Variants in CBFA2T2 observed in about 807,000 individuals in gnomAD.
CBFA2T2 encodes CBFA2/RUNX1 partner transcriptional co-repressor 2, also known as protein CBFA2T2.
In CBFA2T2, 11 loss-of-function variants were observed where a neutral mutation model predicts 62.2. The ratio of observed to expected loss-of-function variants is 0.18; its 90% CI spans 0.11 to 0.29. CBFA2T2 has a LOEUF of 0.29. CBFA2T2 is among the 10% of genes least tolerant of loss of function. CBFA2T2 has a pLI of 1.00. For missense variants in CBFA2T2, 592 were observed against 774.1 expected, an observed-to-expected ratio of 0.76 and a Z score of 2.79; for synonymous variants, 295 against 287.5, an observed-to-expected ratio of 1.03 and a Z score of -0.27.
At chr20:33,601,489 T>C (rs553801064) in intron 1 of CBFA2T2, among the ~76,000 whole-genome samples, 23 of 151,870 alleles carry the variant, frequency 1.5e-4, no homozygotes, top group African/African-American at 5.1e-4. Context: ...GATCTTGAAC[T>C]CCTGGCCTCA....
intron 9 of CBFA2T2, chr20:33,639,586 A>G (rs2016755121): frequency 1.3e-5 from 2 of 151,428 alleles, no homozygotes; most frequent in Non-Finnish European, 2.9e-5. Flanking sequence ...AAAAAAAAAA[A>G]GAAAATAAGT....
intron 1 of CBFA2T2, among the ~76,000 whole-genome samples, chr20:33,536,745 GGC>G (rs1469484374): frequency 6.6e-6 from 1 of 151,772 alleles, no homozygotes; most frequent in Non-Finnish European, 1.5e-5. Flanking sequence ...GCGGGGCAGA[GGC>G]GCTCCCCACA....
intron 5 of CBFA2T2, chr20:33,623,982 AAAAC>A (rs2016110314): frequency 1.7e-6 from 1 of 587,062 alleles, no homozygotes; most frequent in Non-Finnish European, 3.1e-6. Context: ...AAGAAAAGAA[AAAAC>A]AAAAAAAAAG....
intron 6 of CBFA2T2, among the ~76,000 whole-genome samples, 172 bp downstream of exon 6, chr20:33,625,189 A>G (rs1252792414): frequency 2.0e-5 from 3 of 152,012 alleles, no homozygotes; most frequent in Non-Finnish European, 4.4e-5. Context: ...CTCATTTGAT[A>G]CCTTGTTGCT....
At chr20:33,569,140 C>G (rs1000269820) in intron 1 of CBFA2T2, among the ~76,000 whole-genome samples, 5 of 152,154 alleles carry the variant, frequency 3.3e-5, no homozygotes, top group Non-Finnish European at 5.9e-5. Context: ...AATATTCAAG[C>G]AAATCGTGGC....
At chr20:33,497,766 T>C (rs1031143556) in intron 1 of CBFA2T2, among the ~76,000 whole-genome samples, 3 of 152,168 alleles carry the variant, frequency 2.0e-5, no homozygotes, top group Non-Finnish European at 4.4e-5. Flanking sequence ...GCCAGGCTAG[T>C]CTCGATCACT....
chr20:33,537,093 G>A (rs1195411107), intron 1 of CBFA2T2, among the ~76,000 whole-genome samples: 1 of 152,200 alleles, frequency 6.6e-6, no homozygotes, highest in Non-Finnish European at 1.5e-5. Flanking sequence ...GGTGGTGGCC[G>A]GGCAGAGGCT....
At position 33,649,157 on chromosome 20, in the gene CBFA2T2, C is replaced by A. The variant is rs1862606670; in HGVS notation, c.*4511C>A. ...CCAGGTCAGTAGACCAAACCAACTT[C>A]CTTAGATTTTTTTTTTTAAGCTGTT... On this transcript the variant is annotated 3_prime_UTR_variant, in exon 11 of 11. Transcript: ENST00000342704. 3 of 152,072 alleles carry A rather than the reference C, an allele frequency of 2.0e-5. No homozygotes were observed. Among genetic ancestry groups the A allele is most frequent in the African/African-American group, 4.8e-5 (2 of 41,364 alleles). 9.4% of individuals were successfully genotyped at this position (152,072 alleles called of 1,614,324 possible).
chr20:33,505,925 T>C (rs1305433965), intron 1 of CBFA2T2, among the ~76,000 whole-genome samples: 1 of 151,600 alleles, frequency 6.6e-6, no homozygotes, highest in Non-Finnish European at 1.5e-5. Context: ...ACCCTGTCTC[T>C]ACTATAAGTA....
chr20:33,574,224 C>A (rs535410000), intron 1 of CBFA2T2: 4 of 1,613,484 alleles, frequency 2.5e-6, no homozygotes, highest in Non-Finnish European at 3.4e-6. Flanking sequence ...CTGGAATAAG[C>A]TTGAAAGAAA....
intron 1 of CBFA2T2, among the ~76,000 whole-genome samples, chr20:33,522,608 G>C (rs978909903): frequency 6.6e-6 from 1 of 152,030 alleles, no homozygotes; most frequent in Non-Finnish European, 1.5e-5. Context: ...TGGGCTTCGT[G>C]ATATGTGCCT....
rs2017183973 is a variant in CBFA2T2 at position 33,649,719 on chromosome 20, C to G, written c.*5073C>G. 2 of 152,414 alleles carry G rather than the reference C, an allele frequency of 1.3e-5. No individual in the cohort carries two copies. The highest frequency in any genetic ancestry group is 4.8e-5 in the African/African-American group (2 of 41,454). 9.4% of individuals were successfully genotyped at this position (152,414 alleles called of 1,614,324 possible). ...GCTGCTGCGCCAAGAGGCCTTCAGT[C>G]CCCTTAACGTGGCTTTCCAACTTCC... On this transcript the variant is annotated 3_prime_UTR_variant, in exon 11 of 11. Coordinates refer to ENST00000342704, the MANE Select transcript of CBFA2T2 (RefSeq NM_001032999.3).
intron 1 of CBFA2T2, among the ~76,000 whole-genome samples, chr20:33,572,563 A>C (rs1363987927): frequency 3.3e-5 from 5 of 152,256 alleles, no homozygotes. Context: ...TGTGTGCTGA[A>C]TAACAATAAT....
chr20:33,617,099 G>A (rs370122019), intron 3 of CBFA2T2, among the ~76,000 whole-genome samples: 23 of 152,214 alleles, frequency 1.5e-4, no homozygotes, highest in East Asian at 5.8e-4. Flanking sequence ...GGCCAGGCAC[G>A]GTGGCTCACG....
chr20:33,495,656 A>G (rs1201422240), intron 1 of CBFA2T2, among the ~76,000 whole-genome samples: 3 of 152,132 alleles, frequency 2.0e-5, no homozygotes, highest in Non-Finnish European at 2.9e-5. Context: ...GTGCCACTGC[A>G]CTCCAGCCTG....
At chr20:33,507,705 CT>C (rs543648501) in intron 1 of CBFA2T2, among the ~76,000 whole-genome samples, 12 of 152,238 alleles carry the variant, frequency 7.9e-5, no homozygotes, top group African/African-American at 2.6e-4. Flanking sequence ...CTGCACCATA[CT>C]TTTTCCCCCC....
rs1027747463 is a variant in CBFA2T2, at chr20:33,644,502, G to A, written c.1644G>A (p.Arg548=). The change falls in exon 11 of 11, where the codon CGG becomes CGA. Residue 548 remains arginine, a synonymous_variant. Transcript: ENST00000342704. ...LHGQSPHGQG[R]PLLPVGRGSS... ...GCCAGAGCCCCCACGGCCAGGGCCG[G>A]CCGCTGCTTCCTGTAGGCAGGGGCT... 1 of 1,614,096 alleles carries A rather than the reference G, an allele frequency of 6.2e-7. No homozygotes were observed. Among genetic ancestry groups the A allele is most frequent in the Admixed American group, 1.7e-5 (1 of 60,028 alleles).
chr20:33,499,401 T>G (rs909473686), intron 1 of CBFA2T2, among the ~76,000 whole-genome samples: 1 of 152,234 alleles, frequency 6.6e-6, no homozygotes, highest in Non-Finnish European at 1.5e-5. Flanking sequence ...TTGTTTAGGC[T>G]TTAGTAAGAT....
rs1188855328 is a variant in CBFA2T2, at chr20:33,548,254, A to AT, written c.34+57963dup. On this transcript the variant is annotated intron_variant, in intron 1 of 10. Coordinates refer to ENST00000342704, the MANE Select transcript of CBFA2T2 (RefSeq NM_001032999.3). ...GGGAGTTTTTATTTTTATTTTTTTTATTTTTTTTTTGAGATGGAGTCTACT... is the reference window on the plus strand; with the variant it reads ...GGGAGTTTTTATTTTTATTTTTTTTATTTTTTTTTTTGAGATGGAGTCTACT... Among the ~76,000 whole-genome samples the AT allele has an allele frequency of 6.2e-3, 906 of 145,636 alleles. 7 individuals carry two copies. Among genetic ancestry groups the AT allele is most frequent in the African/African-American group, 0.021 (841 of 39,644 alleles).
Sources: allele counts gnomAD v4.1 joint callset (sites outside exome capture counted in the v4.1 genomes callset), GRCh38; gene constraint gnomAD v4.1.1; transcripts MANE v1.5; gene names NCBI Gene and HGNC (gene_info 2026-07-23, HGNC 2026-07-21).